Variants in ADAMTS18 observed in about 807,000 individuals in gnomAD.
The protein encoded by ADAMTS18 is ADAM metallopeptidase with thrombospondin type 1 motif 18.
In ADAMTS18, 157 loss-of-function variants were observed where a neutral mutation model predicts 165.9. The observed-to-expected ratio is 0.95, with a 90% CI of 0.83 to 1.08. The LOEUF (loss-of-function observed/expected upper bound fraction) is 1.08. ADAMTS18 is among the 50% of genes least tolerant of loss of function. The pLI is 0.00. For synonymous variants in ADAMTS18, 782 were observed against 578.2 expected, an observed-to-expected ratio of 1.35 and a Z score of -5.06; for missense variants, 2,040 against 1,534.0, an observed-to-expected ratio of 1.33 and a Z score of -5.51.
Position 77,341,808 on chromosome 16 carries a change from A to T in ADAMTS18, c.1615-9T>A, listed in dbSNP as rs933897871. Reference sequence around the variant, plus strand: ...AGTGATTTGCAAATATCCTGAAATAAAAAAAAAGGGGGGTGCTGTTAATGG... The same window carrying T: ...AGTGATTTGCAAATATCCTGAAATATAAAAAAAGGGGGGTGCTGTTAATGG... On this transcript the variant is annotated splice_polypyrimidine_tract_variant and intron_variant, in intron 10 of 22. Transcript: ENST00000282849. 3.2e-6 allele frequency: 5 copies of T among 1,583,262 alleles called. No homozygotes were observed. In the African/African-American group the frequency reaches 6.4e-5, roughly 20 times the overall value.
intron 16 of ADAMTS18, among the ~76,000 whole-genome samples, chr16:77,307,989 A>T (rs1206979236): frequency 2.0e-5 from 3 of 152,054 alleles, no homozygotes; most frequent in Non-Finnish European, 2.9e-5. Flanking sequence ...GTTGTTTATT[A>T]TAGTAATTTT....
rs115920499 is a variant in ADAMTS18, at chr16:77,331,319, T to C, written c.1859+4437A>G. Among the ~76,000 whole-genome samples the C allele has an allele frequency of 5.7e-3, 866 of 152,280 alleles. 13 individuals are homozygous for C. Among genetic ancestry groups the C allele is most frequent in the African/African-American group, 0.02 (832 of 41,554 alleles). On this transcript the variant is annotated intron_variant, in intron 12 of 22. Transcript: ENST00000282849. ...CTTTCTTGGGAAAATATTGAGATTGTAAAATGTTGTAATGGATGAAAACCA... is the reference window on the plus strand; with the variant it reads ...CTTTCTTGGGAAAATATTGAGATTGCAAAATGTTGTAATGGATGAAAACCA...
At chr16:77,366,699 T>C (rs2056800014) in intron 4 of ADAMTS18, among the ~76,000 whole-genome samples, 1 of 152,246 alleles carries the variant, frequency 6.6e-6, no homozygotes, top group Admixed American at 6.5e-5. Context: ...AGATTAAGTA[T>C]TTCCAATAAA....
intron 19 of ADAMTS18, 24 bp downstream of exon 19, chr16:77,294,899 A>G (rs1284753613): frequency 6.2e-7 from 1 of 1,612,472 alleles, no homozygotes; most frequent in Non-Finnish European, 8.5e-7. Flanking sequence ...CGAGAATAGT[A>G]ACTCCCAAGT....
rs142460481 is a variant in ADAMTS18, at chr16:77,431,520, C to A, written c.270G>T (p.Ala90=). ...AGTGCAGGGAGCTTCTGGCATTCTG[C>A]GCCGATCGCTTTTTCCTGCCGTTGT... The part of the protein sequence containing the change: ...ILHNGRKKRS[A]QNARSSLHYR... Residue 90 remains alanine, a synonymous_variant, in exon 3 of 23, where the codon GCG becomes GCT. Transcript: ENST00000282849. 3 of 1,614,168 alleles carry A rather than the reference C, an allele frequency of 1.9e-6. No homozygotes were observed. The highest frequency in any genetic ancestry group is 2.5e-6 in the Non-Finnish European group (3 of 1,180,022).
intron 12 of ADAMTS18, among the ~76,000 whole-genome samples, chr16:77,334,488 T>C (rs1249517879): frequency 8.9e-6 from 1 of 112,202 alleles, no homozygotes; most frequent in Non-Finnish European, 1.6e-5. Flanking sequence ...GTATATATTA[T>C]ATAGTATATA....
intron 13 of ADAMTS18, 111 bp downstream of exon 13, chr16:77,325,755 T>G: frequency 8.9e-7 from 1 of 1,127,584 alleles, no homozygotes; most frequent in Non-Finnish European, 1.3e-6. Context: ...GTCTGGGGAG[T>G]GAAAGGTAAA....
chr16:77,326,417 C>G (rs935040568), intron 12 of ADAMTS18, among the ~76,000 whole-genome samples: 3 of 138,962 alleles, frequency 2.2e-5, no homozygotes, highest in South Asian at 4.6e-4. Flanking sequence ...GGGTCTCACA[C>G]TGTTGCCCAG....
chr16:77,332,736 G>A (rs2056210381), intron 12 of ADAMTS18, among the ~76,000 whole-genome samples: 1 of 152,148 alleles, frequency 6.6e-6, no homozygotes, highest in Non-Finnish European at 1.5e-5. Flanking sequence ...AGCACAAACT[G>A]CAGTTCAGAC....
chr16:77,433,388 T>A (rs2057762157), intron 2 of ADAMTS18: 1 of 152,244 alleles, frequency 6.6e-6, no homozygotes, highest in South Asian at 2.1e-4. Context: ...TAACAGGCTG[T>A]CGGTTACATT....
At chr16:77,399,324 G>A (rs1308193574) in intron 3 of ADAMTS18, among the ~76,000 whole-genome samples, 1 of 152,166 alleles carries the variant, frequency 6.6e-6, no homozygotes, top group Admixed American at 6.5e-5. Flanking sequence ...CCAGAGAGAT[G>A]GAGAGACACC....
chr16:77,337,203 G>A (rs989866317), intron 11 of ADAMTS18, among the ~76,000 whole-genome samples: 1 of 152,184 alleles, frequency 6.6e-6, no homozygotes, highest in African/African-American at 2.4e-5. Flanking sequence ...AGTTTTTGGG[G>A]AAGGCTATCG....
At chr16:77,354,591 T>G (rs1170976193) in intron 9 of ADAMTS18, among the ~76,000 whole-genome samples, 1 of 150,798 alleles carries the variant, frequency 6.6e-6, no homozygotes, top group African/African-American at 2.4e-5. Flanking sequence ...GGTGGTTAAG[T>G]GTAATTTTGT....
intron 10 of ADAMTS18, among the ~76,000 whole-genome samples, chr16:77,342,043 T>A (rs534986694): frequency 6.6e-6 from 1 of 152,208 alleles, no homozygotes; most frequent in Non-Finnish European, 1.5e-5. Flanking sequence ...GTAGCAACAG[T>A]TAATTTAGAG....
At chr16:77,336,672 T>C (rs1184695462) in intron 11 of ADAMTS18, among the ~76,000 whole-genome samples, 1 of 152,228 alleles carries the variant, frequency 6.6e-6, no homozygotes, top group Non-Finnish European at 1.5e-5. Context: ...TTTTTCTGTA[T>C]TAACCTTTCC....
chr16:77,322,195 C>G, intron 14 of ADAMTS18, 141 bp downstream of exon 14: 1 of 757,104 alleles, frequency 1.3e-6, no homozygotes, highest in South Asian at 1.6e-5. Context: ...GTGCTCGAAT[C>G]CAGTGAAACA....
At position 77,334,753 on chromosome 16, in the gene ADAMTS18, CTATAG is replaced by C. The variant is rs1300444050; in HGVS notation, c.1859+998_1859+1002del. ...TATACTATAGTATATATACTGTATA[CTATAG>C]TATACAGTATATATACTATAGTATA... On this transcript the variant is annotated intron_variant, in intron 12 of 22. Coordinates refer to ENST00000282849, the MANE Select transcript of ADAMTS18 (RefSeq NM_199355.4). Among the ~76,000 whole-genome samples, 3 of 104,280 alleles carry C rather than the reference CTATAG, an allele frequency of 2.9e-5. No individual in the cohort carries two copies. The Admixed American group carries it at 3.8e-4, about 13-fold the overall frequency. The allele number at this position is 104,280 out of a possible 152,430, so 68.4% of individuals were successfully genotyped here. A position where few individuals can be genotyped will look rare whatever the true frequency, so the allele number is the denominator to read the frequency against.
intron 3 of ADAMTS18, among the ~76,000 whole-genome samples, chr16:77,423,442 G>T (rs77426637): frequency 6.6e-6 from 1 of 151,912 alleles, no homozygotes; most frequent in South Asian, 2.1e-4. Context: ...TAATGACATC[G>T]GTTTTGATAA....
chr16:77,399,835 T>C (rs151106175), intron 3 of ADAMTS18, among the ~76,000 whole-genome samples: 151 of 152,328 alleles, frequency 9.9e-4, no homozygotes, highest in African/African-American at 3.4e-3. Flanking sequence ...CTAATGATGA[T>C]ATTTACAACT....
Sources: allele counts gnomAD v4.1 joint callset (sites outside exome capture counted in the v4.1 genomes callset), GRCh38; gene constraint gnomAD v4.1.1; transcripts MANE v1.5; gene names NCBI Gene and HGNC (gene_info 2026-07-23, HGNC 2026-07-21).